PRSS53: variants seen among roughly 807,000 people sequenced by gnomAD.
The protein encoded by PRSS53 is serine protease 53, also known as EDTP308.
In PRSS53, 54 loss-of-function variants were observed where a neutral mutation model predicts 62.7. The ratio of observed to expected loss-of-function variants is 0.86; its 90% CI spans 0.69 to 1.08. The LOEUF (loss-of-function observed/expected upper bound fraction) is 1.08. Among genes scored for constraint, PRSS53 ranks in the 50% least tolerant of loss-of-function variants. PRSS53 has a pLI of 0.00. For missense variants in PRSS53, 688 were observed against 728.3 expected, an observed-to-expected ratio of 0.94 and a Z score of 0.64; for synonymous variants, 273 against 300.0, an observed-to-expected ratio of 0.91 and a Z score of 0.93.
chr16:31,088,483 C>T, intron 1 of PRSS53: 2 of 1,337,144 alleles, frequency 1.5e-6, no homozygotes, highest in African/African-American at 1.5e-5. Flanking sequence ...GAGGGGGAGG[C>T]AGGCACAGGA....
At position 31,088,561 on chromosome 16, in the gene PRSS53, C is replaced by T. The variant is rs74015066; in HGVS notation, c.58+191G>A. The stretch of plus-strand genomic sequence containing the variant: ...CCGCCAACGCAAACTGCAGCTGGCC[C>T]GAGAAAATCTCATCCATGTTGACAC... On this transcript the variant is annotated intron_variant, in intron 1 of 10. Transcript: ENST00000280606. The T allele has an allele frequency of 1.7e-3, 2,408 of 1,435,644 alleles. 30 individuals carry two copies. In the African/African-American group the frequency reaches 0.031, roughly 19 times the overall value. 88.9% of individuals were successfully genotyped at this position (1,435,644 alleles called of 1,614,324 possible).
chr16:31,086,263 C>T (rs1036148334), intron 5 of PRSS53, 74 bp downstream of exon 5: 1 of 1,584,206 alleles, frequency 6.3e-7, no homozygotes, highest in African/African-American at 1.3e-5. Flanking sequence ...GTCTTTCCCC[C>T]AGTCCTGTGA....
chr16:31,086,473 T>C (rs756777971), exon 5 of PRSS53: 1 of 1,613,442 alleles, frequency 6.2e-7, no homozygotes, highest in Non-Finnish European at 8.5e-7. Flanking sequence ...CAGGCGCAGA[T>C]TGCGTAGGGT....
At chr16:31,085,122 T>A in exon 7 of PRSS53, 4 of 1,612,824 alleles carry the variant, frequency 2.5e-6, no homozygotes, top group Non-Finnish European at 3.4e-6. Context: ...AATGAAGCAG[T>A]GGGCAGCAGT....
chr16:31,087,161 C>A, intron 3 of PRSS53: 1 of 530,608 alleles, frequency 1.9e-6, no homozygotes, highest in Non-Finnish European at 3.3e-6. Context: ...CCATGCCTGG[C>A]TAATTTTACA....
At chr16:31,085,378 G>T (rs1266553223) in intron 6 of PRSS53, 118 bp from the exon 7 acceptor site, 1 of 1,229,496 alleles carries the variant, frequency 8.1e-7, no homozygotes, top group African/African-American at 1.5e-5. Context: ...GGTAACCAAA[G>T]TTCCAGAGAG....
chr16:31,088,573 A>T (rs1033722042), intron 1 of PRSS53, 179 bp downstream of exon 1: 6 of 1,436,392 alleles, frequency 4.2e-6, no homozygotes, highest in Non-Finnish European at 4.6e-6. Flanking sequence ...AGAAAATCTC[A>T]TCCATGTTGA....
chr16:31,084,888 G>A (rs781592805), exon 8 of PRSS53: 31 of 1,545,384 alleles, frequency 2.0e-5, no homozygotes, highest in Non-Finnish European at 2.3e-5. Context: ...AGTGTCACAG[G>A]CTGGGCCAGC....
chr16:31,088,186 TAGC>T, intron 1 of PRSS53: 1 of 1,225,188 alleles, frequency 8.2e-7, no homozygotes, highest in Non-Finnish European at 1.0e-6. Context: ...ATTGTCCTCT[TAGC>T]AGCAGAGGCC....
In PRSS53 at chr16:31,083,831, G is replaced by T. The variant is rs769868163; in HGVS notation, c.1643-22C>A. 1.7e-5 allele frequency: 28 copies of T among 1,613,862 alleles called. No homozygotes were observed. In the South Asian group the frequency reaches 2.9e-4, roughly 16 times the overall value. ...TGGCCTGTGGGGAAGGAAGGAGGGTGGAGTTGTCCTCATCCTCACGGCTTT... is the reference window on the plus strand; with the variant it reads ...TGGCCTGTGGGGAAGGAAGGAGGGTTGAGTTGTCCTCATCCTCACGGCTTT... On this transcript the variant is annotated intron_variant, in intron 10 of 10. Coordinates refer to ENST00000280606, the Ensembl canonical transcript of PRSS53.
chr16:31,084,358 G>A (rs2057204842), intron 9 of PRSS53, 23 bp from the exon 10 acceptor site: 1 of 1,599,526 alleles, frequency 6.3e-7, no homozygotes. Flanking sequence ...AGGTGACACT[G>A]GGTGACTTTT....
rs1328834838 is a variant in PRSS53, at chr16:31,084,347, C to T, written c.1426-12G>A. On this transcript the variant is annotated splice_polypyrimidine_tract_variant and intron_variant, in intron 9 of 10. Transcript: ENST00000280606. ...GCCCCAGACAGGCCCTGTCAGGGGTCAGGTGACACTGGGTGACTTTTTATA... is the reference window on the plus strand; with the variant it reads ...GCCCCAGACAGGCCCTGTCAGGGGTTAGGTGACACTGGGTGACTTTTTATA... The T allele has an allele frequency of 6.2e-7, 1 of 1,606,960 alleles. No individual in the cohort carries two copies. Among genetic ancestry groups the T allele is most frequent in the Non-Finnish European group, 8.5e-7 (1 of 1,177,562 alleles).
chr16:31,084,869 C>A, exon 8 of PRSS53: 1 of 1,548,002 alleles, frequency 6.5e-7, no homozygotes, highest in Non-Finnish European at 8.7e-7. Context: ...GGGCCGCAGG[C>A]TGGCTCCCAG....
intron 10 of PRSS53, 60 bp downstream of exon 10, chr16:31,084,059 A>G (rs2057199403): frequency 6.5e-7 from 1 of 1,533,142 alleles, no homozygotes; most frequent in East Asian, 2.5e-5. Flanking sequence ...GCACGTTCTC[A>G]CTGGAGAGAG....
At chr16:31,086,826 C>T in exon 4 of PRSS53, 3 of 1,613,640 alleles carry the variant, frequency 1.9e-6, no homozygotes, top group Non-Finnish European at 2.5e-6. Flanking sequence ...CCTCTTCGGC[C>T]CCAGGGCTGA....
chr16:31,088,717 AG>A (rs1567418666), intron 1 of PRSS53, 34 bp downstream of exon 1: 1 of 1,611,858 alleles, frequency 6.2e-7, no homozygotes, highest in East Asian at 2.2e-5. Context: ...AGCCCCCACC[AG>A]GCCACACCCA....
At position 31,085,846 on chromosome 16, in the gene PRSS53, G is replaced by A. The variant is rs901644890; in HGVS notation, c.883+118C>T. 36 of 890,886 alleles carry A rather than the reference G, an allele frequency of 4.0e-5. No homozygotes were observed. The Admixed American group carries it at 6.1e-4, about 15-fold the overall frequency. The allele number at this position is 890,886 out of a possible 1,614,324, so 55.2% of individuals were successfully genotyped here. Reference sequence around the variant, plus strand: ...CTAACAGGGCTGTTCCCATCCCAGGGGGTGAAAGAGCCCCCTAATTAGGCT... The same window carrying A: ...CTAACAGGGCTGTTCCCATCCCAGGAGGTGAAAGAGCCCCCTAATTAGGCT... On this transcript the variant is annotated intron_variant, in intron 6 of 10. Transcript: ENST00000280606.
chr16:31,085,501 G>T (rs1482161596), intron 6 of PRSS53, among the ~76,000 whole-genome samples: 1 of 152,098 alleles, frequency 6.6e-6, no homozygotes, highest in Admixed American at 6.6e-5. Context: ...TCCCAGCCTC[G>T]TGGGAATGCC....
intron 1 of PRSS53, 45 bp from the exon 2 acceptor site, chr16:31,087,871 G>A (rs2057251359): frequency 1.2e-6 from 2 of 1,611,410 alleles, no homozygotes; most frequent in Admixed American, 3.4e-5. Context: ...CTCCAGGCCT[G>A]CCTAGCTTTG....
Sources: gnomAD v4.1 joint callset for allele counts (sites outside exome capture counted in the v4.1 genomes callset) on GRCh38, gnomAD v4.1.1 for gene constraint, MANE v1.5 for transcripts, NCBI Gene and HGNC (gene_info 2026-07-23, HGNC 2026-07-21) for gene names.